Variants in HECTD2 observed in about 807,000 individuals in gnomAD.
HECTD2 encodes the protein HECT domain E3 ubiquitin protein ligase 2.
A neutral mutation model predicts 103.2 loss-of-function variants in HECTD2; 35 were observed. That is an observed-to-expected ratio of 0.34 (90% confidence interval 0.26 to 0.45). The LOEUF (loss-of-function observed/expected upper bound fraction) is 0.45, where lower values mean the gene tolerates loss of function less well. Among genes scored for constraint, HECTD2 ranks in the 20% least tolerant of loss-of-function variants. The pLI is 1.00. For synonymous variants in HECTD2, 281 were observed against 329.9 expected (o/e 0.85, Z 1.61); for missense variants, 596 against 937.4 (o/e 0.64, Z 4.76).
intron 5 of HECTD2, among the ~76,000 whole-genome samples, chr10:91,475,913 C>T (rs976378148): frequency 6.6e-6 from 1 of 152,132 alleles, no homozygotes; most frequent in East Asian, 1.9e-4. Context: ...CCATGGTGAC[C>T]CTGGAGGTGG....
At chr10:91,503,585 T>G (rs567495201) in intron 20 of HECTD2, among the ~76,000 whole-genome samples, 2 of 152,160 alleles carry the variant, frequency 1.3e-5, no homozygotes, top group Non-Finnish European at 2.9e-5. Flanking sequence ...TAAAAAACGG[T>G]GCACCACGAG....
chr10:91,490,715 C>A (rs1048595384), intron 11 of HECTD2, among the ~76,000 whole-genome samples: 1 of 150,772 alleles, frequency 6.6e-6, no homozygotes, highest in Non-Finnish European at 1.5e-5. Flanking sequence ...CACGGTGAAA[C>A]CCCGTCTCTA....
intron 18 of HECTD2, among the ~76,000 whole-genome samples, chr10:91,499,767 A>G (rs988119045): frequency 7.9e-5 from 12 of 152,282 alleles, no homozygotes; most frequent in Admixed American, 7.9e-4. Flanking sequence ...TAGTTTCATT[A>G]TGAGGGATTG....
chr10:91,444,193 A>G (rs1362041164), intron 2 of HECTD2, among the ~76,000 whole-genome samples: 1 of 152,190 alleles, frequency 6.6e-6, no homozygotes, highest in Non-Finnish European at 1.5e-5. Context: ...CTACAATTAA[A>G]TACAAACAGA....
At chr10:91,435,902 T>C (rs1844095601) in intron 2 of HECTD2, among the ~76,000 whole-genome samples, 1 of 151,964 alleles carries the variant, frequency 6.6e-6, no homozygotes. Context: ...CTTTTTTACT[T>C]GTATTTCTCT....
intron 20 of HECTD2, among the ~76,000 whole-genome samples, chr10:91,508,043 T>A (rs1847264901): frequency 8.1e-6 from 1 of 124,012 alleles, no homozygotes; most frequent in African/African-American, 4.5e-5. Context: ...ATTTAATAAA[T>A]GGTGCTGGGA....
intron 2 of HECTD2, among the ~76,000 whole-genome samples, chr10:91,435,831 C>A (rs990653969): frequency 6.6e-5 from 10 of 151,916 alleles, no homozygotes; most frequent in African/African-American, 2.4e-4. Context: ...TCTGTATTTT[C>A]TATCCTTTCT....
rs558988026 is a variant in HECTD2 at position 91,468,018 on chromosome 10, A to C, written c.600+5834A>C. Among the ~76,000 whole-genome samples the C allele has an allele frequency of 2.6e-5, 4 of 151,766 alleles. No individual in the cohort carries two copies. In the East Asian group the frequency reaches 7.8e-4, roughly 29 times the overall value. On this transcript the variant is annotated intron_variant, in intron 5 of 20. Transcript: ENST00000298068. ...GAGCATGGAGCAATGCCACAAGCCCACTCCTACTAGTACCTTGCCCCAGCA... is the reference window on the plus strand; with the variant it reads ...GAGCATGGAGCAATGCCACAAGCCCCCTCCTACTAGTACCTTGCCCCAGCA...
chr10:91,481,117 G>A lies in HECTD2; in HGVS notation c.689G>A (p.Arg230Lys). 6.5e-7 allele frequency: 1 copy of A among 1,528,676 alleles called. No individual in the cohort carries two copies. Among genetic ancestry groups the A allele is most frequent in the Non-Finnish European group, 8.9e-7 (1 of 1,120,798 alleles). The allele number at this position is 1,528,676 out of a possible 1,614,324, so 94.7% of individuals were successfully genotyped here. Residue 230 changes from arginine to lysine, a missense_variant, in exon 7 of 21, where the codon AGA becomes AAA. Arg to Lys is a conservative substitution (Grantham distance 26). This residue lies in a region of HECTD2 where 303 missense variants were observed against 522.5 expected (regional missense o/e 0.58). Transcript: ENST00000298068. ...WKGPRTKDDL[R>K]AYFILLQNPQ... ...AGTCCACGAACAAAAGATGATCTTA[G>A]AGCATATTTTATACTTTTACAGGTA...
At chr10:91,418,539 C>T (rs1480069833) in intron 1 of HECTD2, among the ~76,000 whole-genome samples, 2 of 152,000 alleles carry the variant, frequency 1.3e-5, no homozygotes, top group Non-Finnish European at 2.9e-5. Flanking sequence ...TCCACTTGGG[C>T]TGGTGCTATT....
At chr10:91,509,298 A>AAT (rs1174564352) in intron 20 of HECTD2, among the ~76,000 whole-genome samples, 1 of 152,090 alleles carries the variant, frequency 6.6e-6, no homozygotes, top group Admixed American at 6.5e-5. Context: ...TTTAAAAAAA[A>AAT]AATCAAAAAA....
At position 91,410,590 on chromosome 10, in the gene HECTD2, C is replaced by G. The variant is rs1384892403; in HGVS notation, c.138+14C>G. 3 of 1,271,102 alleles carry G rather than the reference C, an allele frequency of 2.4e-6. No individual in the cohort carries two copies. The highest frequency in any genetic ancestry group is 1.8e-5 in the South Asian group (1 of 54,990). 78.7% of individuals were successfully genotyped at this position (1,271,102 alleles called of 1,614,324 possible). ...GGCGCGACCGCGGTAGGTGGTGGGC[C>G]GGGGCCGTCTGGCGCCCCGGACGGC... On this transcript the variant is annotated intron_variant, in intron 1 of 20. Coordinates refer to ENST00000298068, the MANE Select transcript of HECTD2 (RefSeq NM_182765.6).
chr10:91,493,584 CTG>C (rs953843468), intron 14 of HECTD2, 76 bp downstream of exon 14: 4 of 769,006 alleles, frequency 5.2e-6, no homozygotes, highest in Admixed American at 3.4e-5. Context: ...TTTTAGAAAA[CTG>C]TTTTCTTTAG....
At chr10:91,433,254 T>C (rs1843970256) in intron 2 of HECTD2, among the ~76,000 whole-genome samples, 1 of 152,010 alleles carries the variant, frequency 6.6e-6, no homozygotes, top group African/African-American at 2.4e-5. Context: ...ATTGAATAGG[T>C]AACACATCTA....
At chr10:91,492,050 T>G (rs1236917847) in intron 12 of HECTD2, among the ~76,000 whole-genome samples, 1 of 151,578 alleles carries the variant, frequency 6.6e-6, no homozygotes. Context: ...TGAAGGGGAG[T>G]TTTTTTTAAA....
Position 91,491,240 on chromosome 10 carries a change from A to C in HECTD2, c.1232A>C (p.Asp411Ala). Residue 411 changes from aspartate to alanine, a missense_variant, in exon 12 of 21, where the codon GAT (aspartate) becomes GCT (alanine). Coordinates refer to ENST00000298068, the MANE Select transcript of HECTD2 (RefSeq NM_182765.6). ...AAAGTATCTCGAAGACAGAGACCTG[A>C]TATGAATATATTATTTCTAAATATG... ...VDKVSRRQRP[D>A]MNILFLNMKV... The C allele has an allele frequency of 6.3e-7, 1 of 1,585,216 alleles. No homozygotes were observed. The highest frequency in any genetic ancestry group is 8.6e-7 in the Non-Finnish European group (1 of 1,159,024).
chr10:91,481,764 A>G (rs567812219), intron 7 of HECTD2, among the ~76,000 whole-genome samples: 52 of 151,980 alleles, frequency 3.4e-4, no homozygotes, highest in African/African-American at 1.2e-3. Flanking sequence ...CTAGCATACT[A>G]TTAATACATT....
At chr10:91,437,433 C>G (rs1017735742) in intron 2 of HECTD2, among the ~76,000 whole-genome samples, 7 of 152,048 alleles carry the variant, frequency 4.6e-5, no homozygotes, top group Admixed American at 1.3e-4. Flanking sequence ...ATGTTATTGC[C>G]TTTTAATAAC....
intron 2 of HECTD2, among the ~76,000 whole-genome samples, chr10:91,437,800 A>G (rs896760006): frequency 4.0e-5 from 6 of 151,852 alleles, no homozygotes; most frequent in Non-Finnish European, 8.8e-5. Flanking sequence ...AGGTCACACT[A>G]TTAGAGAATT....
Sources: gnomAD v4.1 joint callset for allele counts (sites outside exome capture counted in the v4.1 genomes callset) on GRCh38, gnomAD v4.1.1 for gene constraint, gnomAD v4.1.1 regional missense constraint, MANE v1.5 for transcripts, NCBI Gene and HGNC (gene_info 2026-07-23, HGNC 2026-07-21) for gene names.